Variants in TXNRD2 observed in about 807,000 individuals in gnomAD.
The protein encoded by TXNRD2 is thioredoxin reductase 2, mitochondrial.
Under a neutral mutation model 70.8 loss-of-function variants are expected in TXNRD2, and 67 were observed. The ratio of observed to expected loss-of-function variants is 0.95; its 90% CI spans 0.78 to 1.16. The LOEUF (loss-of-function observed/expected upper bound fraction) is 1.16. Ranked by LOEUF, TXNRD2 falls within the 50% of genes most tolerant of loss-of-function variation. The pLI is 0.00. For missense variants in TXNRD2, 644 were observed against 719.9 expected (o/e 0.89, Z 1.21); for synonymous variants, 301 against 295.8 (o/e 1.02, Z -0.18).
intron 2 of TXNRD2, among the ~76,000 whole-genome samples, chr22:19,920,918 C>T (rs201157570): frequency 1.2e-4 from 18 of 152,130 alleles, no homozygotes; most frequent in South Asian, 8.3e-4. Flanking sequence ...CTGGCTAACA[C>T]GGTGAAACCC....
intron 16 of TXNRD2, 37 bp from the exon 17 acceptor site, chr22:19,877,271 C>A: frequency 6.3e-7 from 1 of 1,587,502 alleles, no homozygotes; most frequent in Non-Finnish European, 8.6e-7. Flanking sequence ...GCGGGGTCAG[C>A]ACAGGGAGGG....
chr22:19,914,862 G>C (rs1033524741), intron 7 of TXNRD2: 5 of 311,216 alleles, frequency 1.6e-5, no homozygotes, highest in African/African-American at 1.1e-4. Context: ...GATGAAGAAT[G>C]AGGCTTATAT....
chr22:19,912,411 C>T (rs34350581), intron 7 of TXNRD2, among the ~76,000 whole-genome samples: 15,340 of 152,052 alleles, frequency 0.1, 1,063 homozygotes, highest in Non-Finnish European at 0.15. Context: ...GGACCAGGAG[C>T]GCCTGCTGGA....
rs542026858 is a variant in TXNRD2 at position 19,878,692 on chromosome 22, C to G, written c.1276-255G>C. Among the ~76,000 whole-genome samples the G allele has an allele frequency of 3.5e-4, 53 of 152,340 alleles. No homozygotes were observed. The East Asian group carries it at 8.7e-3, about 25-fold the overall frequency. On this transcript the variant is annotated intron_variant, in intron 14 of 17. Coordinates refer to ENST00000400521, the MANE Select transcript of TXNRD2 (RefSeq NM_006440.5). ...CCCTGTCCCACCCAGGCCTGGGACC[C>G]CCGTAAACCACAGCAGCAGAGCAGG...
intron 7 of TXNRD2, chr22:19,914,861 T>G: frequency 3.2e-6 from 1 of 310,570 alleles, no homozygotes; most frequent in Non-Finnish European, 6.2e-6. Context: ...AGATGAAGAA[T>G]GAGGCTTATA....
intron 11 of TXNRD2, among the ~76,000 whole-genome samples, chr22:19,892,351 G>A (rs1472467808): frequency 3.3e-5 from 5 of 152,240 alleles, no homozygotes; most frequent in Non-Finnish European, 5.9e-5. Flanking sequence ...ATGCCCGAGC[G>A]GCCCCCAGCA....
chr22:19,909,241 T>G (rs1348559583), intron 8 of TXNRD2, among the ~76,000 whole-genome samples: 1 of 151,970 alleles, frequency 6.6e-6, no homozygotes, highest in East Asian at 1.9e-4. Flanking sequence ...GTGGTAAATT[T>G]TATACTATGT....
intron 2 of TXNRD2, among the ~76,000 whole-genome samples, chr22:19,923,993 C>CT (rs1017520390): frequency 6.6e-6 from 1 of 150,930 alleles, no homozygotes; most frequent in Non-Finnish European, 1.5e-5. Flanking sequence ...TAAAAAAAGG[C>CT]TTTTTTTTCT....
chr22:19,901,398 A>C (rs1378890063), intron 8 of TXNRD2, among the ~76,000 whole-genome samples: 1 of 152,158 alleles, frequency 6.6e-6, no homozygotes, highest in Admixed American at 6.5e-5. Flanking sequence ...TGCAGTGGGC[A>C]TATTCCCGAG....
intron 4 of TXNRD2, 126 bp downstream of exon 4, chr22:19,918,734 C>G: frequency 3.4e-6 from 4 of 1,192,256 alleles, no homozygotes; most frequent in Non-Finnish European, 4.9e-6. Context: ...CGCAGAGTCG[C>G]CCCTGGCTGA....
rs773658482 is a variant in TXNRD2, at chr22:19,915,194, T to C, written c.591+20A>G. On this transcript the variant is annotated intron_variant, in intron 7 of 17. Coordinates refer to ENST00000400521, the MANE Select transcript of TXNRD2 (RefSeq NM_006440.5). The stretch of plus-strand genomic sequence containing the variant: ...GAATGGGCCACGGCAGCAGGGACGC[T>C]ATGCTCTGGGGACACTCACGTGCGT... 1.2e-6 allele frequency: 2 copies of C among 1,612,890 alleles called. No homozygotes were observed. Among genetic ancestry groups the C allele is most frequent in the East Asian group, 2.2e-5 (1 of 44,860 alleles).
At chr22:19,921,106 CAAA>C (rs33910378) in intron 2 of TXNRD2, among the ~76,000 whole-genome samples, 6 of 84,302 alleles carry the variant, frequency 7.1e-5, no homozygotes, top group Non-Finnish European at 9.3e-5. Flanking sequence ...GACTCTGTCT[CAAA>C]AAAAAAAAAA....
chr22:19,886,222 G>A (rs913035184), intron 11 of TXNRD2, among the ~76,000 whole-genome samples: 9 of 152,252 alleles, frequency 5.9e-5, no homozygotes, highest in Non-Finnish European at 1.0e-4. Context: ...CTGGTGGGAC[G>A]TGGCTGGGAG....
intron 11 of TXNRD2, chr22:19,894,622 T>G (rs570180513): frequency 1.1e-5 from 2 of 182,286 alleles, no homozygotes; most frequent in African/African-American, 2.4e-5. Flanking sequence ...AGAGAGACCC[T>G]GTTTCACACG....
chr22:19,933,997 G>C (rs1416461904), intron 1 of TXNRD2, among the ~76,000 whole-genome samples: 3 of 152,090 alleles, frequency 2.0e-5, no homozygotes, highest in Non-Finnish European at 2.9e-5. Flanking sequence ...GGAGCCCAGA[G>C]CTCATAGCAA....
intron 1 of TXNRD2, among the ~76,000 whole-genome samples, chr22:19,936,237 T>C (rs1941534748): frequency 6.6e-6 from 1 of 152,136 alleles, no homozygotes; most frequent in Non-Finnish European, 1.5e-5. Flanking sequence ...CACAGTTTTC[T>C]GAATCTGGCC....
chr22:19,909,088 C>T (rs1940198608), intron 8 of TXNRD2, among the ~76,000 whole-genome samples: 1 of 151,872 alleles, frequency 6.6e-6, no homozygotes, highest in Admixed American at 6.6e-5. Flanking sequence ...CACCTGTAGT[C>T]CCGGCTACTC....
At chr22:19,881,228 T>G (rs1938759704) in intron 12 of TXNRD2, 2 of 400,422 alleles carry the variant, frequency 5.0e-6, no homozygotes, top group Admixed American at 8.4e-5. Context: ...TCCCAGGGTG[T>G]GCCCAGCCTT....
chr22:19,907,061 C>T lies in TXNRD2; in HGVS notation c.662+4316G>A, dbSNP rs143256934. ...ACCGCTCTCAGGAGAGTGTGGGCGCCGTGGATAGCAGTGACGGCTCTCAGG... is the reference window on the plus strand; with the variant it reads ...ACCGCTCTCAGGAGAGTGTGGGCGCTGTGGATAGCAGTGACGGCTCTCAGG... On this transcript the variant is annotated intron_variant, in intron 8 of 17. Transcript: ENST00000400521. Among the ~76,000 whole-genome samples the T allele has an allele frequency of 1.7e-3, 153 of 90,558 alleles. No individual in the cohort carries two copies. The South Asian group carries it at 0.026, about 16-fold the overall frequency. 59.4% of individuals were successfully genotyped at this position (90,558 alleles called of 152,430 possible).
Sources: gnomAD v4.1 joint callset for allele counts (sites outside exome capture counted in the v4.1 genomes callset) on GRCh38, gnomAD v4.1.1 for gene constraint, MANE v1.5 for transcripts, NCBI Gene and HGNC (gene_info 2026-07-23, HGNC 2026-07-21) for gene names.